The following ZMAT4 variants were observed in gnomAD, a reference collection of about 807,000 sequenced individuals.
ZMAT4 encodes zinc finger matrin-type protein 4.
A neutral mutation model predicts 28.7 loss-of-function variants in ZMAT4; 17 were observed. The ratio of observed to expected loss-of-function variants is 0.59; its 90% CI spans 0.41 to 0.89. The LOEUF (loss-of-function observed/expected upper bound fraction) is 0.89. Among genes scored for constraint, ZMAT4 ranks in the 40% least tolerant of loss-of-function variants. The pLI is 0.00. For missense variants in ZMAT4, 240 were observed against 283.8 expected (o/e 0.85, Z 1.11); for synonymous variants, 117 against 109.2 (o/e 1.07, Z -0.44).
At chr8:40,767,024 C>T (rs978143453) in intron 3 of ZMAT4, among the ~76,000 whole-genome samples, 2 of 152,152 alleles carry the variant, frequency 1.3e-5, no homozygotes, top group South Asian at 2.1e-4. Context: ...AAAGTAACCC[C>T]TGCTGGGAGG....
At chr8:40,768,247 G>T (rs773548785) in intron 2 of ZMAT4, among the ~76,000 whole-genome samples, 2 of 152,116 alleles carry the variant, frequency 1.3e-5, no homozygotes, top group Non-Finnish European at 2.9e-5. Flanking sequence ...CAGATATCAT[G>T]AGCAAACTAA....
intron 5 of ZMAT4, among the ~76,000 whole-genome samples, chr8:40,646,825 C>T (rs932253628): frequency 1.1e-4 from 17 of 152,218 alleles, no homozygotes; most frequent in African/African-American, 4.1e-4. Flanking sequence ...AAATAAAAGG[C>T]TTGAACAACA....
intron 3 of ZMAT4, among the ~76,000 whole-genome samples, chr8:40,722,735 G>T (rs941963438): frequency 3.9e-5 from 6 of 152,148 alleles, no homozygotes; most frequent in Admixed American, 3.3e-4. Flanking sequence ...GGAGGAACCT[G>T]CGGGGATTGT....
At chr8:40,874,750 G>A (rs1817982048) in intron 1 of ZMAT4, among the ~76,000 whole-genome samples, 1 of 152,210 alleles carries the variant, frequency 6.6e-6, no homozygotes, top group African/African-American at 2.4e-5. Flanking sequence ...TATTTTAGTA[G>A]TTTTATCTGA....
Position 40,781,687 on chromosome 8 carries a change from G to A in ZMAT4, c.103-13957C>T, listed in dbSNP as rs868837219. Among the ~76,000 whole-genome samples, 1,371 of 143,518 alleles carry A rather than the reference G, an allele frequency of 9.6e-3. 16 individuals carry two copies. The highest frequency in any genetic ancestry group is 0.031 in the African/African-American group (1,217 of 39,174). The allele number at this position is 143,518 out of a possible 152,430, so 94.2% of individuals were successfully genotyped here. ...TGAGGCAGGAGAATGGCGTGAACCC[G>A]GGAGGCGGAGCTTGCAGTGAGCCGA... On this transcript the variant is annotated intron_variant, in intron 2 of 6. Coordinates refer to ENST00000297737, the MANE Select transcript of ZMAT4 (RefSeq NM_024645.3).
chr8:40,771,545 A>G (rs1813390710), intron 2 of ZMAT4, among the ~76,000 whole-genome samples: 1 of 152,232 alleles, frequency 6.6e-6, no homozygotes, highest in Admixed American at 6.5e-5. Context: ...CTGTTAATGT[A>G]TACTGGTATA....
At chr8:40,656,789 A>T (rs1249123450) in intron 5 of ZMAT4, among the ~76,000 whole-genome samples, 7 of 152,180 alleles carry the variant, frequency 4.6e-5, no homozygotes. Flanking sequence ...GGGACACAAA[A>T]GGCACATATT....
intron 1 of ZMAT4, among the ~76,000 whole-genome samples, chr8:40,884,291 C>A (rs190073486): frequency 6.6e-6 from 1 of 152,094 alleles, no homozygotes; most frequent in Non-Finnish European, 1.5e-5. Context: ...CCATTCTCAC[C>A]TCCGCCCCCA....
At chr8:40,565,861 C>T (rs1466653652) in intron 6 of ZMAT4, among the ~76,000 whole-genome samples, 1 of 151,564 alleles carries the variant, frequency 6.6e-6, no homozygotes, top group Admixed American at 6.6e-5. Flanking sequence ...AGTCACCCAA[C>T]ACCACACTCC....
chr8:40,776,925 C>CTTT (rs36090424), intron 2 of ZMAT4, among the ~76,000 whole-genome samples: 1 of 141,340 alleles, frequency 7.1e-6, no homozygotes, highest in East Asian at 2.0e-4. Flanking sequence ...CGATTTCTTT[C>CTTT]TTTTTTTTTT....
intron 5 of ZMAT4, among the ~76,000 whole-genome samples, chr8:40,674,000 A>C (rs896792731): frequency 6.6e-6 from 1 of 151,264 alleles, no homozygotes; most frequent in African/African-American, 2.4e-5. Flanking sequence ...AAATTGAGTC[A>C]ATTTGTTGCT....
intron 5 of ZMAT4, among the ~76,000 whole-genome samples, chr8:40,666,132 A>T (rs1286058604): frequency 2.0e-5 from 3 of 152,190 alleles, no homozygotes; most frequent in Non-Finnish European, 1.5e-5. Context: ...CACTGTTTCT[A>T]AGTAAGAAAC....
chr8:40,573,482 T>C (rs949914240), intron 6 of ZMAT4, among the ~76,000 whole-genome samples: 1 of 152,168 alleles, frequency 6.6e-6, no homozygotes, highest in African/African-American at 2.4e-5. Flanking sequence ...CTTTCCTTTC[T>C]CTTTTAAAGT....
chr8:40,887,380 T>C (rs2150668632), intron 1 of ZMAT4, among the ~76,000 whole-genome samples: 1 of 150,802 alleles, frequency 6.6e-6, no homozygotes, highest in African/African-American at 2.4e-5. Context: ...TCCCAGCTAC[T>C]CGGGAGGCTG....
intron 6 of ZMAT4, among the ~76,000 whole-genome samples, chr8:40,568,899 T>C (rs1182132533): frequency 1.3e-5 from 2 of 152,122 alleles, no homozygotes; most frequent in Non-Finnish European, 2.9e-5. Context: ...TTGCACCTCT[T>C]TTACTCACCA....
At chr8:40,699,820 C>A (rs1042398972) in intron 3 of ZMAT4, among the ~76,000 whole-genome samples, 1 of 152,220 alleles carries the variant, frequency 6.6e-6, no homozygotes, top group Non-Finnish European at 1.5e-5. Flanking sequence ...GTCTTAGAAT[C>A]TGTGTATCTG....
intron 5 of ZMAT4, among the ~76,000 whole-genome samples, chr8:40,613,047 G>A (rs978831450): frequency 3.3e-5 from 5 of 151,298 alleles, no homozygotes; most frequent in African/African-American, 4.9e-5. Flanking sequence ...TCCTGACCTC[G>A]TGATCCGCCC....
chr8:40,624,979 T>C lies in ZMAT4; in HGVS notation c.578-43718A>G, dbSNP rs10429333. On this transcript the variant is annotated intron_variant, in intron 5 of 6. Transcript: ENST00000297737. Reference sequence around the variant, plus strand: ...AATAATGCTAAGGACTATGAAGAAGTGGAATTAAGGTGATGTGGTAAAAGG... The same window carrying C: ...AATAATGCTAAGGACTATGAAGAAGCGGAATTAAGGTGATGTGGTAAAAGG... 9.3e-3 allele frequency among the ~76,000 whole-genome samples: 1,412 copies of C among 152,098 alleles called. 20 individuals are homozygous for C. Among genetic ancestry groups the C allele is most frequent in the African/African-American group, 0.032 (1,337 of 41,498 alleles).
At chr8:40,794,325 G>A (rs961201974) in intron 2 of ZMAT4, among the ~76,000 whole-genome samples, 7 of 152,144 alleles carry the variant, frequency 4.6e-5, no homozygotes, top group African/African-American at 1.4e-4. Flanking sequence ...AATCTCCCCT[G>A]ACTCAGACAT....
Sources: allele counts gnomAD v4.1 joint callset (sites outside exome capture counted in the v4.1 genomes callset), GRCh38; gene constraint gnomAD v4.1.1; transcripts MANE v1.5; gene names NCBI Gene and HGNC (gene_info 2026-07-23, HGNC 2026-07-21).